DDHD1: variants seen among roughly 807,000 people sequenced by gnomAD.
DDHD1 encodes DDHD domain containing 1.
In DDHD1, 49 loss-of-function variants were observed where a neutral mutation model predicts 96.4. The observed-to-expected ratio is 0.51, with a 90% CI of 0.40 to 0.64. The LOEUF (loss-of-function observed/expected upper bound fraction) is 0.64, where lower values mean the gene tolerates loss of function less well. DDHD1 is among the 30% of genes least tolerant of loss of function. The pLI, the probability that DDHD1 is intolerant of heterozygous loss-of-function variation, is 0.00. For missense variants in DDHD1, 1,106 were observed against 1,161.2 expected, an observed-to-expected ratio of 0.95 and a Z score of 0.69; for synonymous variants, 442 against 446.5, an observed-to-expected ratio of 0.99 and a Z score of 0.13.
intron 2 of DDHD1, chr14:53,093,991 C>T (rs921646756): frequency 2.0e-5 from 3 of 152,626 alleles, no homozygotes; most frequent in African/African-American, 4.8e-5. Context: ...CTGGCTAACA[C>T]GGTGAAACCT....
chr14:53,143,800 T>C (rs1890803848), intron 1 of DDHD1, among the ~76,000 whole-genome samples: 1 of 152,262 alleles, frequency 6.6e-6, no homozygotes, highest in Non-Finnish European at 1.5e-5. Flanking sequence ...GATTTCTTTA[T>C]TATGGCTAGC....
At chr14:53,055,961 G>T (rs1156513794) in intron 9 of DDHD1, 49 bp from the exon 10 acceptor site, 2 of 1,518,970 alleles carry the variant, frequency 1.3e-6, no homozygotes, top group Non-Finnish European at 9.0e-7. Context: ...AAATCACAAT[G>T]CTTGGATTTT....
At chr14:53,121,961 C>G (rs1030235235) in intron 1 of DDHD1, among the ~76,000 whole-genome samples, 1 of 150,280 alleles carries the variant, frequency 6.7e-6, no homozygotes, top group African/African-American at 2.4e-5. Flanking sequence ...TGTAAATTAT[C>G]CACTTACTGC....
chr14:53,080,165 G>A (rs1307283562), intron 4 of DDHD1, among the ~76,000 whole-genome samples: 1 of 152,322 alleles, frequency 6.6e-6, no homozygotes, highest in East Asian at 1.9e-4. Flanking sequence ...TCTGAGACCA[G>A]CCTGGCCAAC....
intron 1 of DDHD1, among the ~76,000 whole-genome samples, chr14:53,117,028 GAAGAA>G (rs1888596628): frequency 6.6e-6 from 1 of 152,076 alleles, no homozygotes. Context: ...GACTAATAAA[GAAGAA>G]AAGAGAGAAG....
At chr14:53,068,238 T>C (rs1272661762) in intron 6 of DDHD1, among the ~76,000 whole-genome samples, 2 of 94,522 alleles carry the variant, frequency 2.1e-5, no homozygotes, top group Non-Finnish European at 4.2e-5. Flanking sequence ...TCGGCCTTTA[T>C]GATACTTTTT....
intron 2 of DDHD1, among the ~76,000 whole-genome samples, chr14:53,099,293 T>C (rs1458575540): frequency 6.6e-6 from 1 of 152,204 alleles, no homozygotes; most frequent in Non-Finnish European, 1.5e-5. Context: ...AGTGGTACAA[T>C]ACTATCAACT....
At chr14:53,142,389 C>A (rs975282391) in intron 1 of DDHD1, among the ~76,000 whole-genome samples, 4 of 151,124 alleles carry the variant, frequency 2.6e-5, no homozygotes, top group African/African-American at 7.3e-5. Context: ...TAAGAGGATT[C>A]TCTCATAGTT....
intron 6 of DDHD1, among the ~76,000 whole-genome samples, chr14:53,068,366 A>G (rs1165087593): frequency 1.3e-5 from 2 of 149,050 alleles, no homozygotes; most frequent in East Asian, 4.0e-4. Context: ...CGGCCTCAGC[A>G]TTCCGAGTAG....
At position 53,058,951 on chromosome 14, in the gene DDHD1, T is replaced by C. The variant is rs1053948061; in HGVS notation, c.1843-325A>G. Among the ~76,000 whole-genome samples, 5 of 152,202 alleles carry C rather than the reference T, an allele frequency of 3.3e-5. No individual in the cohort carries two copies. The East Asian group carries it at 7.7e-4, about 23-fold the overall frequency. ...TGAAGTAATACACTCGGTGCTGTGA[T>C]AGATATAAAGACCAGTAAGACACAG... is the stretch of plus-strand genomic sequence containing the variant. On this transcript the variant is annotated intron_variant, in intron 8 of 12. Coordinates refer to ENST00000673822, the MANE Select transcript of DDHD1 (RefSeq NM_001160148.2).
intron 1 of DDHD1, among the ~76,000 whole-genome samples, chr14:53,113,817 T>C (rs1888330401): frequency 6.6e-6 from 1 of 152,174 alleles, no homozygotes; most frequent in Non-Finnish European, 1.5e-5. Flanking sequence ...GGGCAGACAC[T>C]GAGCTAGCTG....
At position 53,103,253 on chromosome 14, in the gene DDHD1, G is replaced by A. The variant is rs959767878; in HGVS notation, c.1012+430C>T. On this transcript the variant is annotated intron_variant, in intron 2 of 12. Coordinates refer to ENST00000673822, the MANE Select transcript of DDHD1 (RefSeq NM_001160148.2). The stretch of plus-strand genomic sequence containing the variant: ...TAAAACTTGATATGGTTTTCAATAG[G>A]GGATAACTAAGAGATACACAAAGAT... 1.1e-5 allele frequency: 5 copies of A among 446,072 alleles called. No individual in the cohort carries two copies. The East Asian group carries it at 1.8e-4, about 16-fold the overall frequency. 27.6% of individuals were successfully genotyped at this position (446,072 alleles called of 1,614,324 possible). A position where few individuals can be genotyped will look rare whatever the true frequency, so the allele number is the denominator to read the frequency against.
Position 53,152,888 on chromosome 14 carries a change from T to G in DDHD1, c.211A>C (p.Thr71Pro). The G allele has an allele frequency of 1.9e-6, 3 of 1,609,304 alleles. No individual in the cohort carries two copies. Among genetic ancestry groups the G allele is most frequent in the African/African-American group, 1.3e-5 (1 of 74,678 alleles). The change falls in exon 1 of 13, where the codon ACC (threonine) becomes CCC (proline). Residue 71 changes from threonine to proline, a missense_variant. Physicochemically the swap from Thr to Pro is conservative, Grantham distance 38. This residue lies in a region of DDHD1 where 456 missense variants were observed against 402.4 expected (regional missense o/e 1.13). Transcript: ENST00000673822. ...GCGAGGTGGTGGTTGTGGTCGTCGG[T>G]GCCCGGCGCCAAATGCAGCCCGGGT... ...GEPGLHLAPG[T>P]DDHNHHLALD...
chr14:53,153,140 G>C lies in DDHD1; in HGVS notation c.-42C>G. ...CGGCTGTCCGGCGGCGCGCGGAGCC[G>C]TGACCCCCAGCGCTTCCGCCACACA... On this transcript the variant is annotated 5_prime_UTR_variant, in exon 1 of 13. Transcript: ENST00000673822. The C allele has an allele frequency of 7.4e-7, 1 of 1,352,094 alleles. No homozygotes were observed. The highest frequency in any genetic ancestry group is 3.1e-5 in the East Asian group (1 of 32,502). 83.8% of individuals were successfully genotyped at this position (1,352,094 alleles called of 1,614,324 possible). A position where few individuals can be genotyped will look rare whatever the true frequency, so the allele number is the denominator to read the frequency against.
At chr14:53,117,292 T>C (rs950967695) in intron 1 of DDHD1, among the ~76,000 whole-genome samples, 2 of 152,086 alleles carry the variant, frequency 1.3e-5, no homozygotes, top group African/African-American at 4.8e-5. Context: ...TTGGGACTGG[T>C]TGGACAGTGG....
At chr14:53,103,118 T>G in intron 2 of DDHD1, 1 of 1,486,606 alleles carries the variant, frequency 6.7e-7, no homozygotes, top group Non-Finnish European at 9.2e-7. Flanking sequence ...ACTCAAGATT[T>G]AGACACACAA....
chr14:53,111,043 A>G (rs1888063563), intron 1 of DDHD1, among the ~76,000 whole-genome samples: 1 of 152,218 alleles, frequency 6.6e-6, no homozygotes, highest in Admixed American at 6.5e-5. Context: ...AACGGTCTTT[A>G]TTGAAATCAA....
At chr14:53,056,302 G>T (rs550444876) in intron 9 of DDHD1, among the ~76,000 whole-genome samples, 13 of 152,240 alleles carry the variant, frequency 8.5e-5, no homozygotes, top group African/African-American at 3.1e-4. Flanking sequence ...TTTTAAAATA[G>T]ATTGATACAG....
At chr14:53,140,389 C>A (rs562194308) in intron 1 of DDHD1, among the ~76,000 whole-genome samples, 2 of 152,086 alleles carry the variant, frequency 1.3e-5, no homozygotes, top group East Asian at 3.9e-4. Flanking sequence ...CAAAAATTAG[C>A]CAAGTGTGGT....
Sources: gnomAD v4.1 joint callset for allele counts (sites outside exome capture counted in the v4.1 genomes callset) on GRCh38, gnomAD v4.1.1 for gene constraint, gnomAD v4.1.1 regional missense constraint, MANE v1.5 for transcripts, NCBI Gene and HGNC (gene_info 2026-07-23, HGNC 2026-07-21) for gene names.